SPAG16: variants seen among roughly 807,000 people sequenced by gnomAD.
SPAG16 encodes the protein sperm-associated antigen 16 protein.
In SPAG16, 86 loss-of-function variants were observed where a neutral mutation model predicts 80.4. The observed-to-expected ratio is 1.07, with a 90% confidence interval of 0.90 to 1.28. The LOEUF is 1.28. SPAG16 is among the 50% of genes most tolerant of loss of function. The pLI is 0.00. For missense variants in SPAG16, 870 were observed against 765.3 expected (o/e 1.14, Z -1.61); for synonymous variants, 294 against 265.9 (o/e 1.11, Z -1.03).
chr2:213,743,813 C>G (rs1040897110), intron 10 of SPAG16, among the ~76,000 whole-genome samples: 3 of 152,154 alleles, frequency 2.0e-5, no homozygotes, highest in Non-Finnish European at 4.4e-5. Flanking sequence ...GCCATAGCAT[C>G]TTCAAATACT....
Position 213,428,560 on chromosome 2 carries a change from G to A in SPAG16, c.942+53441G>A, listed in dbSNP as rs116187782. 5.9e-3 allele frequency among the ~76,000 whole-genome samples: 897 copies of A among 152,296 alleles called. 6 individuals are homozygous for A. Among genetic ancestry groups the A allele is most frequent in the Admixed American group, 9.8e-3 (150 of 15,302 alleles). ...TTGGGGCAACAGAGGGGCTCCCACA[G>A]CCAAAACTGAGAGATGAGTGTGGCA... On this transcript the variant is annotated intron_variant, in intron 9 of 15. Transcript: ENST00000331683.
chr2:214,042,015 C>CAG lies in SPAG16; in HGVS notation c.1527+27939_1527+27940insGA, dbSNP rs1369019020. On this transcript the variant is annotated intron_variant, in intron 13 of 15. Coordinates refer to ENST00000331683, the MANE Select transcript of SPAG16 (RefSeq NM_024532.5). ...ATATATATATATATATATACACACA[C>CAG]ACACAAATATATACACAAACATGTA... is the stretch of plus-strand genomic sequence containing the variant. 6.8e-3 allele frequency among the ~76,000 whole-genome samples: 938 copies of CAG among 137,858 alleles called. 6 individuals are homozygous for CAG. The highest frequency in any genetic ancestry group is 0.025 in the South Asian group (104 of 4,234). 90.4% of individuals were successfully genotyped at this position (137,858 alleles called of 152,430 possible).
chr2:213,502,053 A>T (rs1260065257), intron 10 of SPAG16, among the ~76,000 whole-genome samples: 1 of 152,192 alleles, frequency 6.6e-6, no homozygotes, highest in South Asian at 2.1e-4. Flanking sequence ...TAATTTAAAT[A>T]GTGGCTTTTA....
rs557115310 is a variant in SPAG16 at position 213,943,337 on chromosome 2, G to A, written c.1400+13192G>A. Among the ~76,000 whole-genome samples, 54 of 152,250 alleles carry A rather than the reference G, an allele frequency of 3.5e-4. No homozygotes were observed. The South Asian group carries it at 6.8e-3, about 19-fold the overall frequency. ...TACTGCTATGAGGGGACTTTTAAATGTGAATCTGGTAAGAGCTCAGAAAGT... is the reference window on the plus strand; with the variant it reads ...TACTGCTATGAGGGGACTTTTAAATATGAATCTGGTAAGAGCTCAGAAAGT... On this transcript the variant is annotated intron_variant, in intron 12 of 15. Coordinates refer to ENST00000331683, the MANE Select transcript of SPAG16 (RefSeq NM_024532.5).
At chr2:214,245,231 T>G (rs1689755727) in intron 15 of SPAG16, among the ~76,000 whole-genome samples, 2 of 152,200 alleles carry the variant, frequency 1.3e-5, no homozygotes, top group Non-Finnish European at 2.9e-5. Context: ...TATAGATTTA[T>G]GTAGATGCTT....
At chr2:213,505,447 GGTT>G (rs1215189163) in intron 10 of SPAG16, among the ~76,000 whole-genome samples, 1 of 151,912 alleles carries the variant, frequency 6.6e-6, no homozygotes, top group Non-Finnish European at 1.5e-5. Context: ...TATTTTGAAA[GGTT>G]GTGTTGTTAT....
intron 15 of SPAG16, among the ~76,000 whole-genome samples, chr2:214,193,400 T>C: frequency 8.2e-6 from 1 of 121,990 alleles, no homozygotes; most frequent in Non-Finnish European, 1.8e-5. Context: ...CTTTTATGTG[T>C]GTGTGTGTGT....
At chr2:213,543,911 A>G (rs1268683241) in intron 10 of SPAG16, among the ~76,000 whole-genome samples, 1 of 152,110 alleles carries the variant, frequency 6.6e-6, no homozygotes, top group Non-Finnish European at 1.5e-5. Flanking sequence ...TTACATTGCT[A>G]AATGGTTTTA....
At chr2:213,926,240 T>C (rs1384435904) in intron 11 of SPAG16, among the ~76,000 whole-genome samples, 1 of 152,220 alleles carries the variant, frequency 6.6e-6, no homozygotes, top group African/African-American at 2.4e-5. Flanking sequence ...TTATTTATTT[T>C]TATTTTTTAT....
chr2:213,344,051 C>T (rs1275291940), intron 6 of SPAG16, among the ~76,000 whole-genome samples: 1 of 152,070 alleles, frequency 6.6e-6, no homozygotes, highest in East Asian at 1.9e-4. Flanking sequence ...TGTGAGCAGA[C>T]TTTAGCCAGG....
At chr2:214,260,150 A>C (rs1206139218) in intron 15 of SPAG16, among the ~76,000 whole-genome samples, 1 of 152,088 alleles carries the variant, frequency 6.6e-6, no homozygotes, top group African/African-American at 2.4e-5. Flanking sequence ...TCAGTCCATA[A>C]CTTCAGGGAC....
chr2:214,044,680 C>A (rs2049215886), intron 13 of SPAG16, among the ~76,000 whole-genome samples: 1 of 152,128 alleles, frequency 6.6e-6, no homozygotes, highest in Non-Finnish European at 1.5e-5. Context: ...CTCCTTCATC[C>A]CCTGGCAGAG....
chr2:213,390,606 G>T (rs1242529821), intron 9 of SPAG16, among the ~76,000 whole-genome samples: 1 of 152,048 alleles, frequency 6.6e-6, no homozygotes, highest in Non-Finnish European at 1.5e-5. Flanking sequence ...CATATTTAAA[G>T]AAGATTTTAA....
chr2:213,650,012 A>G (rs1295985697), intron 10 of SPAG16, among the ~76,000 whole-genome samples: 1 of 152,102 alleles, frequency 6.6e-6, no homozygotes, highest in Non-Finnish European at 1.5e-5. Flanking sequence ...CCTTTTTATG[A>G]AAAGGAAGAA....
intron 15 of SPAG16, among the ~76,000 whole-genome samples, chr2:214,244,026 C>CTT (rs1198007239): frequency 6.6e-6 from 1 of 151,952 alleles, no homozygotes; most frequent in Admixed American, 6.6e-5. Context: ...TTTATAAATT[C>CTT]TTATATAAGT....
intron 10 of SPAG16, among the ~76,000 whole-genome samples, chr2:213,853,077 C>G (rs1011035185): frequency 7.9e-5 from 12 of 152,014 alleles, no homozygotes; most frequent in Admixed American, 5.2e-4. Flanking sequence ...ACGGGGCACA[C>G]ATTTTGATAC....
intron 14 of SPAG16, among the ~76,000 whole-genome samples, chr2:214,111,256 G>A (rs929639794): frequency 5.9e-5 from 9 of 152,080 alleles, no homozygotes; most frequent in African/African-American, 2.2e-4. Context: ...GGGTTTTTAT[G>A]GTTTTAGGTC....
chr2:213,562,067 G>A (rs1175496748), intron 10 of SPAG16, among the ~76,000 whole-genome samples: 1 of 152,158 alleles, frequency 6.6e-6, no homozygotes, highest in African/African-American at 2.4e-5. Context: ...TGTCTGAAGT[G>A]TCTTTATTTT....
chr2:213,588,276 A>T (rs926140290), intron 10 of SPAG16, among the ~76,000 whole-genome samples: 4 of 152,164 alleles, frequency 2.6e-5, no homozygotes, highest in Non-Finnish European at 5.9e-5. Context: ...CAGAGCATTT[A>T]TATGTTGTTC....
Sources: gnomAD v4.1 joint callset for allele counts (sites outside exome capture counted in the v4.1 genomes callset) on GRCh38, gnomAD v4.1.1 for gene constraint, MANE v1.5 for transcripts, NCBI Gene and HGNC (gene_info 2026-07-23, HGNC 2026-07-21) for gene names.